Variants in CSGALNACT1 observed in about 807,000 individuals in gnomAD.
CSGALNACT1 encodes the protein beta4GalNAcT-1.
In CSGALNACT1, 52 loss-of-function variants were observed where a neutral mutation model predicts 51.0. That is an observed-to-expected ratio of 1.02 (90% CI 0.82 to 1.29). CSGALNACT1 has a LOEUF of 1.29. Among genes scored for constraint, CSGALNACT1 ranks in the 50% most tolerant of loss-of-function variants. CSGALNACT1 has a pLI of 0.00. For synonymous variants in CSGALNACT1, 341 were observed against 254.4 expected (o/e 1.34, Z -3.24); for missense variants, 935 against 679.2 (o/e 1.38, Z -4.19).
upstream of CSGALNACT1, chr8:19,682,740 C>A (rs2060717548): frequency 2.2e-6 from 1 of 454,102 alleles, no homozygotes; most frequent in Admixed American, 2.3e-5. Flanking sequence ...CTGAGCAAGG[C>A]TGCGGATCCC....
chr8:19,543,430 C>A (rs950847365), intron 3 of CSGALNACT1, among the ~76,000 whole-genome samples: 7 of 152,194 alleles, frequency 4.6e-5, no homozygotes, highest in African/African-American at 1.2e-4. Context: ...GTGAAGAGTT[C>A]TCTAACTGAT....
At chr8:19,690,471 T>C (rs1212696796) in intron 1 of CSGALNACT1, among the ~76,000 whole-genome samples, 1 of 152,298 alleles carries the variant, frequency 6.6e-6, no homozygotes, top group East Asian at 1.9e-4. Context: ...ATAGAACTAT[T>C]AAATAGTCAA....
intron 4 of CSGALNACT1, among the ~76,000 whole-genome samples, chr8:19,477,961 T>C (rs1041387601): frequency 6.6e-6 from 1 of 152,164 alleles, no homozygotes; most frequent in African/African-American, 2.4e-5. Flanking sequence ...TGATGTTTGA[T>C]GAAGAGTAAC....
chr8:19,598,307 C>T (rs534878041), intron 2 of CSGALNACT1, among the ~76,000 whole-genome samples: 1 of 152,354 alleles, frequency 6.6e-6, no homozygotes, highest in East Asian at 1.9e-4. Context: ...GTAGCCTCAT[C>T]TGCAGAAAAC....
intron 1 of CSGALNACT1, among the ~76,000 whole-genome samples, chr8:19,698,612 T>C (rs571824189): frequency 6.6e-6 from 1 of 152,174 alleles, no homozygotes; most frequent in Non-Finnish European, 1.5e-5. Context: ...GCTTTAAAAC[T>C]TACCTATGTA....
intron 3 of CSGALNACT1, among the ~76,000 whole-genome samples, chr8:19,590,163 C>T (rs1414918511): frequency 6.6e-6 from 1 of 152,182 alleles, no homozygotes; most frequent in Non-Finnish European, 1.5e-5. Context: ...GCCATTAAGA[C>T]ACATATTTGA....
At chr8:19,418,722 G>A in exon 8 of CSGALNACT1, 2 of 1,613,010 alleles carry the variant, frequency 1.2e-6, no homozygotes, top group Non-Finnish European at 1.7e-6. Context: ...TGTACTGACT[G>A]AAAAGAACTG....
At chr8:19,583,611 A>G (rs565331117) in intron 3 of CSGALNACT1, among the ~76,000 whole-genome samples, 1 of 152,358 alleles carries the variant, frequency 6.6e-6, no homozygotes, top group East Asian at 1.9e-4. Flanking sequence ...ATAATTCACA[A>G]CAACATAGCA....
chr8:19,487,258 T>G (rs777928915), intron 4 of CSGALNACT1, among the ~76,000 whole-genome samples: 12 of 152,130 alleles, frequency 7.9e-5, no homozygotes, highest in Non-Finnish European at 1.5e-4. Context: ...GACAAACAAT[T>G]TCACTCCCAC....
At chr8:19,567,886 A>G (rs1267600069) in intron 3 of CSGALNACT1, among the ~76,000 whole-genome samples, 1 of 152,174 alleles carries the variant, frequency 6.6e-6, no homozygotes, top group African/African-American at 2.4e-5. Context: ...AAAAGATACC[A>G]TTTACTATGT....
intron 4 of CSGALNACT1, among the ~76,000 whole-genome samples, chr8:19,484,646 C>G (rs1373177248): frequency 6.6e-6 from 1 of 152,148 alleles, no homozygotes; most frequent in African/African-American, 2.4e-5. Flanking sequence ...TTCCCAGATA[C>G]CAAAGTTGGC....
chr8:19,662,064 A>ACGCCCCCCCC (rs2058790512), intron 1 of CSGALNACT1, among the ~76,000 whole-genome samples: 1 of 37,090 alleles, frequency 2.7e-5, no homozygotes, highest in Non-Finnish European at 5.2e-5. Flanking sequence ...AGTTGCCCCC[A>ACGCCCCCCCC]CCCCCCCCCA....
intron 6 of CSGALNACT1, among the ~76,000 whole-genome samples, chr8:19,437,486 G>T (rs2060567154): frequency 6.6e-6 from 1 of 152,060 alleles, no homozygotes; most frequent in African/African-American, 2.4e-5. Context: ...CAGAGGTCTG[G>T]GCATTCCTAG....
intron 3 of CSGALNACT1, among the ~76,000 whole-genome samples, chr8:19,525,615 CAAAAAAAAAAAAA>C (rs34787475): frequency 2.2e-3 from 45 of 20,388 alleles, no homozygotes; most frequent in East Asian, 6.4e-3. Context: ...AAACTTGTCC[CAAAAAAAAAAAAA>C]AAAAAAAAAA....
At chr8:19,408,624 A>G (rs1323938087) in exon 9 of CSGALNACT1, 2 of 1,613,748 alleles carry the variant, frequency 1.2e-6, no homozygotes, top group South Asian at 2.2e-5. Context: ...TATATTGATG[A>G]AGTCTGACCG....
chr8:19,753,061 A>G (rs915964336), intron 1 of CSGALNACT1, among the ~76,000 whole-genome samples: 27 of 152,066 alleles, frequency 1.8e-4, no homozygotes, highest in Admixed American at 1.4e-3. Context: ...TGTACCTATC[A>G]TCTTGGCGTG....
intron 4 of CSGALNACT1, among the ~76,000 whole-genome samples, chr8:19,502,558 C>A (rs935616255): frequency 6.6e-6 from 1 of 152,238 alleles, no homozygotes; most frequent in Non-Finnish European, 1.5e-5. Flanking sequence ...AATTTCTTCT[C>A]CGTTTGGAAC....
chr8:19,405,452 G>A (rs1563235234), exon 10 of CSGALNACT1: 1 of 505,308 alleles, frequency 2.0e-6, no homozygotes, highest in Non-Finnish European at 3.8e-6. Context: ...CTTAAATCAT[G>A]AATATTTCAA....
At chr8:19,753,883 T>C (rs1450206287) in intron 1 of CSGALNACT1, among the ~76,000 whole-genome samples, 1 of 152,092 alleles carries the variant, frequency 6.6e-6, no homozygotes, top group African/African-American at 2.4e-5. Context: ...CACCTTGGAG[T>C]TGTTCAATAA....
Sources: allele counts gnomAD v4.1 joint callset (sites outside exome capture counted in the v4.1 genomes callset), GRCh38; gene constraint gnomAD v4.1.1; transcripts MANE v1.5; gene names NCBI Gene and HGNC (gene_info 2026-07-23, HGNC 2026-07-21).